TMPRSS11F: variants seen among roughly 807,000 people sequenced by gnomAD.
TMPRSS11F encodes the protein transmembrane serine protease 11F.
In TMPRSS11F, 47 loss-of-function variants were observed where a neutral mutation model predicts 60.2. The observed-to-expected ratio is 0.78, with a 90% CI of 0.62 to 1.00. The LOEUF (loss-of-function observed/expected upper bound fraction) is 1.00, where lower values mean the gene tolerates loss of function less well. TMPRSS11F is among the 50% of genes least tolerant of loss of function. The pLI is 0.00. For synonymous variants in TMPRSS11F, 166 were observed against 167.3 expected (o/e 0.99, Z 0.06); for missense variants, 519 against 522.9 (o/e 0.99, Z 0.07).
At chr4:68,056,917 G>A (rs1159166070) in intron 9 of TMPRSS11F, among the ~76,000 whole-genome samples, 1 of 152,278 alleles carries the variant, frequency 6.6e-6, no homozygotes, top group East Asian at 1.9e-4. Flanking sequence ...TGACAAAGAT[G>A]CCAAGAATAC....
chr4:68,053,941 G>A lies in TMPRSS11F; in HGVS notation c.1285C>T (p.Arg429Ter), dbSNP rs147233496. The change falls in exon 10 of 10, where the codon CGA becomes TGA. Residue 429 changes from arginine (R) to a stop codon, truncating the protein, a stop_gained. Coordinates refer to ENST00000356291, the MANE Select transcript of TMPRSS11F (RefSeq NM_207407.2). LOFTEE classifies it high-confidence loss of function. ...CCAGTCTTTGAGGCAATCCAATCTCGATACTTAGTTACTCTGGTGTAGACT... is the reference window on the plus strand; with the variant it reads ...CCAGTCTTTGAGGCAATCCAATCTCAATACTTAGTTACTCTGGTGTAGACT... ...PGVYTRVTKYRDWIASKTGM is the reference protein window; with the variant it reads ...PGVYTRVTKY 8.7e-6 allele frequency: 14 copies of A among 1,613,416 alleles called. No individual in the cohort carries two copies. Among genetic ancestry groups the A allele is most frequent in the African/African-American group, 2.7e-5 (2 of 74,894 alleles).
chr4:68,062,509 C>T, intron 8 of TMPRSS11F: 2 of 718,804 alleles, frequency 2.8e-6, no homozygotes, highest in Non-Finnish European at 2.6e-6. Flanking sequence ...TAGAAATATG[C>T]TGCATTGGAT....
Position 68,117,618 on chromosome 4 carries a change from T to C in TMPRSS11F, c.11+12192A>G, listed in dbSNP as rs551666106. Among the ~76,000 whole-genome samples the C allele has an allele frequency of 2.0e-5, 3 of 151,920 alleles. No individual in the cohort carries two copies. In the South Asian group the frequency reaches 6.2e-4, roughly 32 times the overall value. ...TGCAAGTCAAAACAACAATGAGATA[T>C]CACCTCACATCTGTTAGGATGGTTG... On this transcript the variant is annotated intron_variant, in intron 1 of 9. Transcript: ENST00000356291.
chr4:68,119,305 G>C (rs1187858100), intron 1 of TMPRSS11F, among the ~76,000 whole-genome samples: 2 of 152,252 alleles, frequency 1.3e-5, no homozygotes, highest in South Asian at 2.1e-4. Context: ...CATAACATAA[G>C]AGTGCAAGGC....
At position 68,090,609 on chromosome 4, in the gene TMPRSS11F, TA is replaced by T. The variant is rs1723907019; in HGVS notation, c.195del (p.Phe65LeufsTer14). ...TCTTTATATTTGATATTTGTGACTT[TA>T]AAAGAGGCAAGGTAATAGAAAGACT... ...DDKSFYYLASFKVTNIKYKEN... is the reference protein window; with the variant it reads ...DDKSFYYLASXKVTNIKYKEN... On this transcript the variant is annotated frameshift_variant, in exon 3 of 10. Transcript: ENST00000356291. LOFTEE classifies it high-confidence loss of function. 6.2e-7 allele frequency: 1 copy of T among 1,601,454 alleles called. No individual in the cohort carries two copies. Among genetic ancestry groups the T allele is most frequent in the Non-Finnish European group, 8.5e-7 (1 of 1,172,690 alleles).
At chr4:68,063,856 T>G in intron 8 of TMPRSS11F, among the ~76,000 whole-genome samples, 1 of 152,338 alleles carries the variant, frequency 6.6e-6, no homozygotes, top group Middle Eastern at 3.4e-3. Context: ...ACAACCCACT[T>G]TAATGTTTAT....
At chr4:68,075,061 A>G (rs1723556134) in intron 3 of TMPRSS11F, among the ~76,000 whole-genome samples, 2 of 152,232 alleles carry the variant, frequency 1.3e-5, no homozygotes, top group African/African-American at 4.8e-5. Context: ...GTAAGTTTAC[A>G]TAAGATCTAT....
At chr4:68,066,159 C>T (rs917814183) in intron 7 of TMPRSS11F, among the ~76,000 whole-genome samples, 5 of 150,688 alleles carry the variant, frequency 3.3e-5, no homozygotes, top group Admixed American at 6.6e-5. Flanking sequence ...AGGGGTTCTG[C>T]TCTCATCTAT....
intron 6 of TMPRSS11F, among the ~76,000 whole-genome samples, chr4:68,069,253 C>T (rs1266204585): frequency 2.0e-5 from 3 of 152,078 alleles, no homozygotes; most frequent in Admixed American, 6.6e-5. Flanking sequence ...TAGCAGTATC[C>T]TTATTACTGA....
chr4:68,091,936 G>A (rs184337335), intron 2 of TMPRSS11F, among the ~76,000 whole-genome samples: 45 of 151,876 alleles, frequency 3.0e-4, no homozygotes, highest in East Asian at 2.5e-3. Flanking sequence ...ACAGGGGGAC[G>A]CCACTACACC....
rs1427268505 is a variant in TMPRSS11F at position 68,064,711 on chromosome 4, G to A, written c.989C>T (p.Thr330Ile). ...ATCATCTACAATGGATCCAAATCCT[G>A]TGACGAACACACTTGTTTTAGGTGG... ...KLPPKTSVFV[T>I]GFGSIVDDGP... Residue 330 changes from threonine to isoleucine, a missense_variant, in exon 8 of 10, where the codon ACA becomes ATA. Transcript: ENST00000356291. 2 of 1,614,094 alleles carry A rather than the reference G, an allele frequency of 1.2e-6. No homozygotes were observed. Among genetic ancestry groups the A allele is most frequent in the South Asian group, 2.2e-5 (2 of 91,072 alleles).
At chr4:68,058,129 G>A (rs1723085203) in intron 9 of TMPRSS11F, among the ~76,000 whole-genome samples, 1 of 152,126 alleles carries the variant, frequency 6.6e-6, no homozygotes, top group South Asian at 2.1e-4. Context: ...AAGTTTCAGT[G>A]AGAAGGAATA....
intron 2 of TMPRSS11F, among the ~76,000 whole-genome samples, chr4:68,093,488 G>A (rs1472491022): frequency 1.3e-5 from 2 of 152,102 alleles, no homozygotes; most frequent in African/African-American, 4.8e-5. Context: ...ACAGGCATGG[G>A]CAAGGACTTC....
intron 3 of TMPRSS11F, among the ~76,000 whole-genome samples, chr4:68,077,961 C>A (rs1298998087): frequency 6.6e-6 from 1 of 152,104 alleles, no homozygotes; most frequent in Non-Finnish European, 1.5e-5. Context: ...GGTTCCGTGG[C>A]AGCCAGGATG....
rs146311461 is a variant in TMPRSS11F, at chr4:68,098,997, TATTCAGCTCGTGAGA to T, written c.38_52del (p.Phe13_Glu17del). The T allele has an allele frequency of 1.4e-4, 219 of 1,613,298 alleles. 1 individual carries two copies. The African/African-American group carries it at 2.8e-3, about 21-fold the overall frequency. On this transcript the variant is annotated inframe_deletion, in exon 2 of 10. Transcript: ENST00000356291. ...GTCCCAAAATTGCTGCTTTCTTTGA[TATTCAGCTCGTGAGA>T]ATTCAGCTTCTGAAAATTCAACAGG...
intron 3 of TMPRSS11F, among the ~76,000 whole-genome samples, chr4:68,074,392 T>A (rs1723542502): frequency 6.6e-6 from 1 of 152,224 alleles, no homozygotes; most frequent in Non-Finnish European, 1.5e-5. Context: ...TAGTTTTAAA[T>A]ACTGTCAAGT....
At chr4:68,095,226 ATG>A (rs1451535392) in intron 2 of TMPRSS11F, among the ~76,000 whole-genome samples, 1 of 151,650 alleles carries the variant, frequency 6.6e-6, no homozygotes, top group Non-Finnish European at 1.5e-5. Context: ...GTGTATACAT[ATG>A]TGTGTACAAA....
rs189409826 is a variant in TMPRSS11F, at chr4:68,068,065, C to T, written c.755+553G>A. Among the ~76,000 whole-genome samples the T allele has an allele frequency of 2.0e-3, 312 of 152,250 alleles. 1 individual carries two copies. The highest frequency in any genetic ancestry group is 3.2e-3 in the Non-Finnish European group (218 of 68,026). On this transcript the variant is annotated intron_variant, in intron 7 of 9. Transcript: ENST00000356291. ...AGAGATTTTGCTGGGCTGTACATAACCAGTCTTGAATACTGTGAGGGGAGT... is the reference window on the plus strand; with the variant it reads ...AGAGATTTTGCTGGGCTGTACATAATCAGTCTTGAATACTGTGAGGGGAGT...
chr4:68,064,885 A>C lies in TMPRSS11F; in HGVS notation c.815T>G (p.Val272Gly), dbSNP rs764516841. The change falls in exon 8 of 10, where the codon GTG (valine) becomes GGG (glycine). Residue 272 changes from valine (V) to glycine (G), a missense_variant. Coordinates refer to ENST00000356291, the MANE Select transcript of TMPRSS11F (RefSeq NM_207407.2). ...TFGATITPPA[V>G]KRNVRKIILH... is the part of the protein sequence containing the mutation. ...AATAATTTTCCTCACATTTCGTTTC[A>C]CTGCGGGTGGTGTTATAGTTGCACC... 6.2e-7 allele frequency: 1 copy of C among 1,614,086 alleles called. No homozygotes were observed. Among genetic ancestry groups the C allele is most frequent in the Non-Finnish European group, 8.5e-7 (1 of 1,180,002 alleles).
Sources: gnomAD v4.1 joint callset for allele counts (sites outside exome capture counted in the v4.1 genomes callset) on GRCh38, gnomAD v4.1.1 for gene constraint, MANE v1.5 for transcripts, NCBI Gene and HGNC (gene_info 2026-07-23, HGNC 2026-07-21) for gene names.